The following ITIH5 variants were observed in gnomAD, a reference collection of about 807,000 sequenced individuals.
ITIH5 encodes the protein inter-alpha-trypsin inhibitor heavy chain 5, also known as inter-alpha-trypsin inhibitor heavy chain H5.
Under a neutral mutation model 77.5 loss-of-function variants are expected in ITIH5, and 65 were observed. That is an observed-to-expected ratio of 0.84 (90% CI 0.69 to 1.03). ITIH5 has a LOEUF of 1.03. Among genes scored for constraint, ITIH5 ranks in the 50% least tolerant of loss-of-function variants. ITIH5 has a pLI of 0.00. For synonymous variants in ITIH5, 525 were observed against 494.3 expected (o/e 1.06, Z -0.82); for missense variants, 1,208 against 1,213.1 (o/e 1.00, Z 0.06).
intron 2 of ITIH5, among the ~76,000 whole-genome samples, chr10:7,648,949 C>A (rs1439860409): frequency 6.6e-6 from 1 of 152,152 alleles, no homozygotes; most frequent in African/African-American, 2.4e-5. Flanking sequence ...TGTGCTTCTG[C>A]CCAGCTACAA....
chr10:7,594,277 C>T (rs1832852110), intron 7 of ITIH5, among the ~76,000 whole-genome samples: 1 of 152,166 alleles, frequency 6.6e-6, no homozygotes, highest in South Asian at 2.1e-4. Context: ...TCTTCCAGTG[C>T]AGGTGATGGA....
At position 7,576,789 on chromosome 10, in the gene ITIH5, G is replaced by T. The variant is rs547413516; in HGVS notation, c.1642C>A (p.Arg548=). The change falls in exon 10 of 14, where the codon CGG becomes AGG. Residue 548 remains arginine, a synonymous_variant. Coordinates refer to ENST00000397146, the MANE Select transcript of ITIH5 (RefSeq NM_030569.7). ...FIILKTDVPV[R]PQKAGKDVTG... ...ACATCTTTCCCTGCCTTCTGAGGCC[G>T]CACAGGCACATCTGTCTTCAGGATG... 6.2e-7 allele frequency: 1 copy of T among 1,614,124 alleles called. No individual in the cohort carries two copies. Among genetic ancestry groups the T allele is most frequent in the South Asian group, 1.1e-5 (1 of 91,064 alleles).
chr10:7,575,049 G>A (rs1057446381), intron 10 of ITIH5, among the ~76,000 whole-genome samples: 4 of 152,160 alleles, frequency 2.6e-5, no homozygotes, highest in African/African-American at 9.7e-5. Context: ...AATTGTGTAC[G>A]TTTTGCCAAG....
In ITIH5 at chr10:7,576,172, T is replaced by C. The variant is rs563201115; in HGVS notation, c.1978+281A>G. On this transcript the variant is annotated intron_variant, in intron 10 of 13. Transcript: ENST00000397146. Reference sequence around the variant, plus strand: ...CCTGAGTAGCTGAGACTACAGGCATTCCACCATACATAGATAATTAATTTT... The same window carrying C: ...CCTGAGTAGCTGAGACTACAGGCATCCCACCATACATAGATAATTAATTTT... Among the ~76,000 whole-genome samples the C allele has an allele frequency of 2.0e-5, 3 of 152,160 alleles. No individual in the cohort carries two copies. In the East Asian group the frequency reaches 5.8e-4, roughly 29 times the overall value.
intron 5 of ITIH5, among the ~76,000 whole-genome samples, chr10:7,636,491 A>G (rs1259203702): frequency 1.3e-5 from 2 of 152,204 alleles, no homozygotes; most frequent in Non-Finnish European, 2.9e-5. Flanking sequence ...ATTTAACATT[A>G]TAGTACATAT....
intron 5 of ITIH5, among the ~76,000 whole-genome samples, chr10:7,624,337 G>A (rs57708324): frequency 0.2 from 29,872 of 151,294 alleles, 4,356 homozygotes; most frequent in African/African-American, 0.41. Context: ...GAGAAACCCC[G>A]TCTCTACTAA....
At chr10:7,643,559 C>T (rs896968726) in intron 2 of ITIH5, among the ~76,000 whole-genome samples, 2 of 152,182 alleles carry the variant, frequency 1.3e-5, no homozygotes, top group African/African-American at 4.8e-5. Context: ...TGTGCTCAAC[C>T]CCCATGCTGG....
intron 3 of ITIH5, 84 bp from the exon 4 acceptor site, chr10:7,640,939 G>A (rs1277003562): frequency 1.1e-6 from 1 of 903,062 alleles, no homozygotes; most frequent in Non-Finnish European, 1.8e-6. Flanking sequence ...GACAACCCCA[G>A]GAAATATTTT....
intron 5 of ITIH5, chr10:7,620,895 T>G (rs1833464581): frequency 6.6e-6 from 1 of 152,222 alleles, no homozygotes; most frequent in South Asian, 2.1e-4. Context: ...AGGGCTCAAG[T>G]GAACCCTGGA....
intron 12 of ITIH5, among the ~76,000 whole-genome samples, chr10:7,569,010 C>CTTTTTTTTTTTTTT (rs5782983): frequency 1.7e-4 from 12 of 71,600 alleles, no homozygotes; most frequent in African/African-American, 3.0e-4. Context: ...TTTTCTTTTT[C>CTTTTTTTTTTTTTT]TTTTTTTTTT....
intron 7 of ITIH5, among the ~76,000 whole-genome samples, chr10:7,594,676 T>C (rs770439135): frequency 6.6e-6 from 1 of 152,198 alleles, no homozygotes; most frequent in Non-Finnish European, 1.5e-5. Flanking sequence ...AAGAAGAGTT[T>C]TCAACTCATT....
Position 7,561,253 on chromosome 10 carries a change from G to A in ITIH5, c.*1830C>T, listed in dbSNP as rs1269021803. ...GTAGGAACTGGTCTTTCCTAATAAC[G>A]TCCTCATTTCTGCAGTGTCGAGACT... On this transcript the variant is annotated 3_prime_UTR_variant, in exon 14 of 14. Coordinates refer to ENST00000397146, the MANE Select transcript of ITIH5 (RefSeq NM_030569.7). 1 of 152,124 alleles carries A rather than the reference G, an allele frequency of 6.6e-6. No homozygotes were observed. Among genetic ancestry groups the A allele is most frequent in the Non-Finnish European group, 1.5e-5 (1 of 68,036 alleles). The allele number at this position is 152,124 out of a possible 1,614,324, so 9.4% of individuals were successfully genotyped here. A position where few individuals can be genotyped will look rare whatever the true frequency, so the allele number is the denominator to read the frequency against.
chr10:7,607,371 G>T (rs776282447), intron 7 of ITIH5, among the ~76,000 whole-genome samples: 49 of 152,334 alleles, frequency 3.2e-4, no homozygotes, highest in Non-Finnish European at 6.5e-4. Context: ...TGGGGGCCGG[G>T]CGTGGTGGCT....
intron 7 of ITIH5, among the ~76,000 whole-genome samples, chr10:7,607,920 C>G (rs1386608952): frequency 1.3e-5 from 2 of 152,204 alleles, no homozygotes; most frequent in African/African-American, 4.8e-5. Flanking sequence ...AAAAGGGAAG[C>G]TAGACTCTTC....
chr10:7,614,082 C>T (rs551083823), intron 7 of ITIH5, among the ~76,000 whole-genome samples: 3 of 152,256 alleles, frequency 2.0e-5, no homozygotes, highest in Admixed American at 6.5e-5. Context: ...AATACCATAC[C>T]TAGTAAAAAC....
At chr10:7,593,870 A>C (rs1413314937) in intron 7 of ITIH5, among the ~76,000 whole-genome samples, 4 of 152,178 alleles carry the variant, frequency 2.6e-5, no homozygotes, top group Non-Finnish European at 4.4e-5. Flanking sequence ...ATCCTTGCAG[A>C]CTGCAGCCAC....
chr10:7,577,816 G>C (rs190694887), intron 9 of ITIH5, among the ~76,000 whole-genome samples: 17 of 152,274 alleles, frequency 1.1e-4, no homozygotes, highest in Non-Finnish European at 2.1e-4. Context: ...TCCTTATCTA[G>C]AAAATCAGGA....
chr10:7,565,935 T>G, intron 13 of ITIH5, 95 bp downstream of exon 13: 1 of 1,492,672 alleles, frequency 6.7e-7, no homozygotes, highest in Non-Finnish European at 9.0e-7. Flanking sequence ...CTATTGAATT[T>G]CTCAATCAAA....
chr10:7,590,130 G>A (rs369059601), intron 7 of ITIH5, among the ~76,000 whole-genome samples: 1 of 152,160 alleles, frequency 6.6e-6, no homozygotes, highest in East Asian at 1.9e-4. Flanking sequence ...AGGTAGCTCA[G>A]ACTCGACTCG....
Sources: allele counts gnomAD v4.1 joint callset (sites outside exome capture counted in the v4.1 genomes callset), GRCh38; gene constraint gnomAD v4.1.1; transcripts MANE v1.5; gene names NCBI Gene and HGNC (gene_info 2026-07-23, HGNC 2026-07-21).